TRMT11: variants seen among roughly 807,000 people sequenced by gnomAD.
TRMT11 encodes tRNA (guanine(10)-N(2))-methyltransferase TRMT11.
Under a neutral mutation model 62.8 loss-of-function variants are expected in TRMT11, and 53 were observed. The observed-to-expected ratio is 0.84, with a 90% confidence interval of 0.68 to 1.06. The LOEUF (loss-of-function observed/expected upper bound fraction) is 1.06. Ranked by LOEUF, TRMT11 falls within the 50% of genes least tolerant of loss-of-function variation. The probability of loss-of-function intolerance (pLI) is 0.00; values close to 1 mark genes in which losing one functional copy is unlikely to be tolerated. For synonymous variants in TRMT11, 188 were observed against 190.3 expected (o/e 0.99, Z 0.10); for missense variants, 556 against 553.4 (o/e 1.00, Z -0.05).
intron 21 of TRMT11, among the ~76,000 whole-genome samples, chr6:126,123,521 C>A (rs1159300497): frequency 6.6e-6 from 1 of 152,014 alleles, no homozygotes; most frequent in Non-Finnish European, 1.5e-5. Context: ...CTTGACTTCA[C>A]TGGATTTTTT....
In TRMT11 at chr6:125,994,935, A is replaced by G. The variant is rs144516878; in HGVS notation, c.139-1032A>G. Among the ~76,000 whole-genome samples the G allele has an allele frequency of 8.5e-5, 13 of 152,328 alleles. No homozygotes were observed. The East Asian group carries it at 2.5e-3, about 29-fold the overall frequency. ...TAAGTGGGAGCTGAATAATAAGAACATATGGACATGTCCAGGGAAACAACA... is the reference window on the plus strand; with the variant it reads ...TAAGTGGGAGCTGAATAATAAGAACGTATGGACATGTCCAGGGAAACAACA... On this transcript the variant is annotated intron_variant, in intron 2 of 12. Coordinates refer to ENST00000334379, the MANE Select transcript of TRMT11 (RefSeq NM_001031712.3).
At chr6:126,243,378 G>A in the TRMT11 span, among the ~76,000 whole-genome samples, 9 of 152,124 alleles carry the variant, frequency 5.9e-5, no homozygotes, top group Admixed American at 4.6e-4. Context: ...TCAGTGTGGC[G>A]ATTCCTCAGG....
chr6:126,231,477 C>T, the TRMT11 span, among the ~76,000 whole-genome samples: 1 of 152,074 alleles, frequency 6.6e-6, no homozygotes, highest in Non-Finnish European at 1.5e-5. Flanking sequence ...CGTTAATTGA[C>T]TATTATTGTT....
At chr6:126,135,549 A>G in intron 21 of TRMT11, among the ~76,000 whole-genome samples, 1 of 151,828 alleles carries the variant, frequency 6.6e-6, no homozygotes, top group Non-Finnish European at 1.5e-5. Flanking sequence ...GCTGAATTCT[A>G]CCAAAACATT....
chr6:126,176,267 T>A (rs757252141), upstream of TRMT11, among the ~76,000 whole-genome samples: 2 of 152,210 alleles, frequency 1.3e-5, no homozygotes, highest in African/African-American at 2.4e-5. Flanking sequence ...TGGTTAAGTG[T>A]CTTTTTCTTT....
At chr6:126,162,790 T>C (rs1381580652) in intron 21 of TRMT11, among the ~76,000 whole-genome samples, 1 of 152,184 alleles carries the variant, frequency 6.6e-6, no homozygotes, top group East Asian at 1.9e-4. Context: ...CCCTTGTAAG[T>C]TGGATTCCTA....
rs190953561 is a variant in TRMT11, at chr6:126,159,290, G to A, written c.*1824-15535G>A. Among the ~76,000 whole-genome samples the A allele has an allele frequency of 2.9e-3, 437 of 152,152 alleles. 1 individual carries two copies. The highest frequency in any genetic ancestry group is 5.1e-3 in the Non-Finnish European group (345 of 68,010). On this transcript the variant is annotated intron_variant and NMD_transcript_variant, in intron 21 of 22. Coordinates refer to the TRMT11 transcript ENST00000648977. ...AATGGTGATGGCACTCTGGGCGGAG[G>A]TCTGCAAATACCTTAGGCTTTAGTG...
downstream of TRMT11, among the ~76,000 whole-genome samples, chr6:126,202,602 G>A (rs374638676): frequency 4.6e-5 from 7 of 152,124 alleles, no homozygotes; most frequent in East Asian, 1.9e-4. Flanking sequence ...TCAGCCCATC[G>A]CCTGATTTCT....
At chr6:126,270,847 A>C in the TRMT11 span, among the ~76,000 whole-genome samples, 1 of 152,108 alleles carries the variant, frequency 6.6e-6, no homozygotes, top group African/African-American at 2.4e-5. Context: ...CATGTTTTTC[A>C]ACCTTTCTAC....
the TRMT11 span, among the ~76,000 whole-genome samples, chr6:126,238,865 A>C: frequency 3.7e-4 from 56 of 152,264 alleles, no homozygotes; most frequent in African/African-American, 1.3e-3. Flanking sequence ...GTAGGTCTCT[A>C]AGGACTTGCT....
At chr6:126,223,571 C>T in the TRMT11 span, among the ~76,000 whole-genome samples, 5 of 152,192 alleles carry the variant, frequency 3.3e-5, no homozygotes, top group African/African-American at 1.2e-4. Context: ...ACCTGTCTTT[C>T]TTTCTAGCTG....
intron 21 of TRMT11, among the ~76,000 whole-genome samples, chr6:126,150,111 TTAATGGAC>T (rs1473969660): frequency 4.6e-5 from 7 of 152,076 alleles, no homozygotes; most frequent in African/African-American, 1.2e-4. Context: ...CATTCATGGA[TTAATGGAC>T]TAATGGACTA....
intron 11 of TRMT11, 97 bp downstream of exon 11, chr6:126,013,198 C>CT (rs1014879121): frequency 1.8e-6 from 2 of 1,097,954 alleles, no homozygotes; most frequent in African/African-American, 3.2e-5. Flanking sequence ...TTTGGTGCAT[C>CT]TTTATATTTA....
At chr6:126,154,252 C>T (rs1025833568) in intron 21 of TRMT11, among the ~76,000 whole-genome samples, 10 of 151,800 alleles carry the variant, frequency 6.6e-5, no homozygotes, top group South Asian at 2.1e-4. Context: ...TTTCTTTGAA[C>T]GTGACATTTA....
chr6:126,123,045 A>G (rs902911837), intron 21 of TRMT11, among the ~76,000 whole-genome samples: 6 of 152,138 alleles, frequency 3.9e-5, no homozygotes, highest in Non-Finnish European at 7.4e-5. Context: ...TCCTGCTGCT[A>G]TACTTAACCT....
the TRMT11 span, among the ~76,000 whole-genome samples, chr6:126,262,564 A>T: frequency 2.0e-5 from 3 of 152,158 alleles, no homozygotes; most frequent in African/African-American, 7.2e-5. Flanking sequence ...TCTAGCAGTT[A>T]GCCATCCTTA....
intron 21 of TRMT11, among the ~76,000 whole-genome samples, chr6:126,170,793 C>G (rs1778321192): frequency 6.6e-6 from 1 of 151,994 alleles, no homozygotes; most frequent in African/African-American, 2.4e-5. Flanking sequence ...TAAGGGAAAA[C>G]CTATTTTACT....
intron 17 of TRMT11, among the ~76,000 whole-genome samples, chr6:126,108,700 G>C (rs1018303905): frequency 2.0e-5 from 3 of 152,196 alleles, no homozygotes; most frequent in African/African-American, 7.2e-5. Flanking sequence ...ATAACAAAGA[G>C]AGAAGAGAGG....
chr6:126,137,945 G>A (rs1424643060), intron 21 of TRMT11, among the ~76,000 whole-genome samples: 1 of 151,816 alleles, frequency 6.6e-6, no homozygotes. Context: ...GAATAGAATA[G>A]TAGTTACCAG....
Sources: gnomAD v4.1 joint callset for allele counts (sites outside exome capture counted in the v4.1 genomes callset) on GRCh38, gnomAD v4.1.1 for gene constraint, MANE v1.5 for transcripts, NCBI Gene and HGNC (gene_info 2026-07-23, HGNC 2026-07-21) for gene names.